Variants in NEGR1 observed in about 807,000 individuals in gnomAD.
The protein encoded by NEGR1 is neuronal growth regulator 1.
Under a neutral mutation model 40.9 loss-of-function variants are expected in NEGR1, and 10 were observed. That is an observed-to-expected ratio of 0.24 (90% CI 0.15 to 0.42). The LOEUF (loss-of-function observed/expected upper bound fraction) is 0.42. Ranked by LOEUF, NEGR1 falls within the 10% of genes least tolerant of loss-of-function variation. The probability of loss-of-function intolerance (pLI) is 1.00; values close to 1 mark genes in which losing one functional copy is unlikely to be tolerated. For synonymous variants in NEGR1, 185 were observed against 166.8 expected (o/e 1.11, Z -0.84); for missense variants, 352 against 438.9 (o/e 0.80, Z 1.77).
intron 1 of NEGR1, among the ~76,000 whole-genome samples, chr1:72,032,670 C>T (rs1341212625): frequency 2.0e-5 from 3 of 152,096 alleles, no homozygotes; most frequent in African/African-American, 7.2e-5. Flanking sequence ...TACATTCATA[C>T]ATATATATAT....
chr1:71,925,652 G>A (rs1171305132), intron 2 of NEGR1, among the ~76,000 whole-genome samples: 2 of 151,708 alleles, frequency 1.3e-5, no homozygotes, highest in Admixed American at 6.6e-5. Flanking sequence ...AGTATTGTCA[G>A]TTGGCATTTA....
intron 6 of NEGR1, among the ~76,000 whole-genome samples, chr1:71,448,729 T>C (rs903885092): frequency 1.3e-5 from 2 of 152,072 alleles, no homozygotes; most frequent in Non-Finnish European, 2.9e-5. Context: ...ACAAACACAG[T>C]CTGACAAAAA....
At chr1:71,712,701 T>C (rs1654140657) in intron 3 of NEGR1, among the ~76,000 whole-genome samples, 1 of 152,164 alleles carries the variant, frequency 6.6e-6, no homozygotes. Context: ...TGGATTTGAG[T>C]CCCTGGTATC....
chr1:71,521,422 T>C (rs959974560), intron 6 of NEGR1, among the ~76,000 whole-genome samples: 1 of 152,010 alleles, frequency 6.6e-6, no homozygotes, highest in African/African-American at 2.4e-5. Flanking sequence ...AGGGGCCACA[T>C]CTTTTTCATC....
chr1:71,806,888 GT>G (rs1244863559), intron 2 of NEGR1, among the ~76,000 whole-genome samples: 1 of 120,558 alleles, frequency 8.3e-6, no homozygotes, highest in African/African-American at 3.0e-5. Flanking sequence ...ATGTCGATCT[GT>G]TTTTTTTTGT....
intron 3 of NEGR1, among the ~76,000 whole-genome samples, chr1:71,711,361 AAAG>A (rs1249246520): frequency 6.7e-6 from 1 of 150,066 alleles, no homozygotes; most frequent in East Asian, 1.9e-4. Flanking sequence ...AAAAAAAAAA[AAAG>A]AAGAAGACAC....
intron 6 of NEGR1, among the ~76,000 whole-genome samples, chr1:71,576,323 T>G (rs1648966597): frequency 6.6e-6 from 1 of 152,180 alleles, no homozygotes; most frequent in South Asian, 2.1e-4. Context: ...TGGTTGATAT[T>G]CCACCATAGT....
At chr1:71,898,691 G>T (rs909951211) in intron 2 of NEGR1, among the ~76,000 whole-genome samples, 1 of 150,598 alleles carries the variant, frequency 6.6e-6, no homozygotes, top group African/African-American at 2.4e-5. Flanking sequence ...TTAAATACAC[G>T]TTTGGACGTT....
rs184263538 is a variant in NEGR1, at chr1:71,444,731, T to C, written c.941-37161A>G. ...AAGCCAAAACTATTTACTATTTGGC[T>C]CTTCAAGAAAAACTGTCAATCCCTG... On this transcript the variant is annotated intron_variant, in intron 6 of 6. Transcript: ENST00000357731. Among the ~76,000 whole-genome samples the C allele has an allele frequency of 2.6e-4, 6 of 22,796 alleles. No homozygotes were observed. In the East Asian group the frequency reaches 0.012, roughly 46 times the overall value. The allele number at this position is 22,796 out of a possible 152,430, so 15.0% of individuals were successfully genotyped here.
chr1:72,248,722 A>G (rs1394200707), intron 1 of NEGR1, among the ~76,000 whole-genome samples: 2 of 151,032 alleles, frequency 1.3e-5, no homozygotes, highest in East Asian at 2.0e-4. Flanking sequence ...AGCTGGGACT[A>G]CAGGTGAGCA....
At chr1:71,811,520 T>G (rs982358993) in intron 2 of NEGR1, among the ~76,000 whole-genome samples, 1 of 151,842 alleles carries the variant, frequency 6.6e-6, no homozygotes, top group South Asian at 2.1e-4. Context: ...ATTTTCTTCA[T>G]AGTACTTATA....
chr1:72,116,196 A>G (rs1308717585), intron 1 of NEGR1, among the ~76,000 whole-genome samples: 2 of 151,772 alleles, frequency 1.3e-5, no homozygotes, highest in Admixed American at 1.3e-4. Context: ...GAGTCATGAT[A>G]TAAGACTTTT....
chr1:72,271,289 C>A (rs1019304126), intron 1 of NEGR1, among the ~76,000 whole-genome samples: 1 of 151,838 alleles, frequency 6.6e-6, no homozygotes, highest in African/African-American at 2.4e-5. Flanking sequence ...TATAATCCCT[C>A]AACGATGTGA....
chr1:71,746,556 ATCT>A lies in NEGR1; in HGVS notation c.535+29613_535+29615del, dbSNP rs536386878. The stretch of plus-strand genomic sequence containing the variant: ...TCCTTAAGTGACTATCATTTGAGAA[ATCT>A]TCTTTTTTTTTTTCTTGTTAATTCT... On this transcript the variant is annotated intron_variant, in intron 3 of 6. Transcript: ENST00000357731. 3.9e-3 allele frequency among the ~76,000 whole-genome samples: 597 copies of A among 152,116 alleles called. 2 individuals are homozygous for A. The highest frequency in any genetic ancestry group is 0.013 in the African/African-American group (544 of 41,488).
chr1:71,988,708 G>A (rs922190103), intron 1 of NEGR1, among the ~76,000 whole-genome samples: 1 of 151,646 alleles, frequency 6.6e-6, no homozygotes, highest in African/African-American at 2.4e-5. Flanking sequence ...ACATGTGTAG[G>A]TTTTACAGTG....
At chr1:72,239,309 A>C (rs1654659800) in intron 1 of NEGR1, among the ~76,000 whole-genome samples, 1 of 151,812 alleles carries the variant, frequency 6.6e-6, no homozygotes, top group Non-Finnish European at 1.5e-5. Context: ...GCGTCAGGAA[A>C]ACAAGACATA....
chr1:72,020,221 C>G (rs908202281), intron 1 of NEGR1, among the ~76,000 whole-genome samples: 15 of 152,046 alleles, frequency 9.9e-5, no homozygotes, highest in African/African-American at 3.6e-4. Context: ...TCCTCAGAGG[C>G]CAATATTACA....
intron 4 of NEGR1, among the ~76,000 whole-genome samples, chr1:71,635,895 ATTTTGTCATATTTTAGG>A (rs1439702256): frequency 1.3e-5 from 2 of 151,968 alleles, no homozygotes; most frequent in African/African-American, 4.8e-5. Flanking sequence ...TATTGTGTAT[ATTTTGTCATATTTTAGG>A]TTCTTGATCT....
chr1:71,664,731 A>G (rs993713534), intron 4 of NEGR1, among the ~76,000 whole-genome samples: 1 of 152,072 alleles, frequency 6.6e-6, no homozygotes, highest in Non-Finnish European at 1.5e-5. Flanking sequence ...CTTTGAGAAA[A>G]AAAAATATAT....
Sources: allele counts gnomAD v4.1 joint callset (sites outside exome capture counted in the v4.1 genomes callset), GRCh38; gene constraint gnomAD v4.1.1; transcripts MANE v1.5; gene names NCBI Gene and HGNC (gene_info 2026-07-23, HGNC 2026-07-21).